The following GABRR1 variants were observed in gnomAD, a reference collection of about 807,000 sequenced individuals.
GABRR1 encodes the protein gamma-aminobutyric acid type A receptor subunit rho1, also known as gamma-aminobutyric acid receptor subunit rho-1.
A neutral mutation model predicts 55.5 loss-of-function variants in GABRR1; 59 were observed. The ratio of observed to expected loss-of-function variants is 1.06; its 90% CI spans 0.86 to 1.32. The LOEUF (loss-of-function observed/expected upper bound fraction) is 1.32, where lower values mean the gene tolerates loss of function less well. Among genes scored for constraint, GABRR1 ranks in the 40% most tolerant of loss-of-function variants. The pLI is 0.00. For synonymous variants in GABRR1, 213 were observed against 226.0 expected (o/e 0.94, Z 0.51); for missense variants, 602 against 619.1 (o/e 0.97, Z 0.29).
chr6:89,193,722 C>A (rs994430751), intron 5 of GABRR1, among the ~76,000 whole-genome samples: 1 of 152,128 alleles, frequency 6.6e-6, no homozygotes. Flanking sequence ...GTTCCAAAAT[C>A]GTGGCATAAA....
intron 1 of GABRR1, among the ~76,000 whole-genome samples, chr6:89,223,539 A>G (rs1304250043): frequency 6.6e-6 from 1 of 152,090 alleles, no homozygotes; most frequent in Non-Finnish European, 1.5e-5. Flanking sequence ...TCATTTAATG[A>G]CTTCTTTTCC....
chr6:89,195,420 G>A (rs529437928), intron 5 of GABRR1, among the ~76,000 whole-genome samples: 76 of 151,402 alleles, frequency 5.0e-4, no homozygotes, highest in Admixed American at 1.5e-3. Flanking sequence ...CCAAGATCAC[G>A]CCACTGCACT....
upstream of GABRR1, among the ~76,000 whole-genome samples, chr6:89,218,766 T>A (rs1271773656): frequency 6.6e-6 from 1 of 152,268 alleles, no homozygotes; most frequent in East Asian, 1.9e-4. Context: ...AACCAATGCC[T>A]ATAATGTCCT....
chr6:89,207,090 T>G (rs887324498), intron 1 of GABRR1, among the ~76,000 whole-genome samples: 5 of 152,054 alleles, frequency 3.3e-5, no homozygotes, highest in African/African-American at 1.2e-4. Context: ...TCAAGAGACA[T>G]GGTAAAGACA....
intron 7 of GABRR1, among the ~76,000 whole-genome samples, chr6:89,183,501 T>G (rs201075686): frequency 1.2e-5 from 1 of 82,076 alleles, no homozygotes; most frequent in African/African-American, 4.1e-5. Context: ...TGCGCAAGTT[T>G]TACATAGAAA....
At chr6:89,190,629 G>C (rs1284750253) in intron 5 of GABRR1, among the ~76,000 whole-genome samples, 4 of 152,126 alleles carry the variant, frequency 2.6e-5, no homozygotes, top group Non-Finnish European at 5.9e-5. Context: ...CAGTTCTTTT[G>C]TTCTTTTATT....
At position 89,182,019 on chromosome 6, in the gene GABRR1, G is replaced by C; in HGVS notation, c.835C>G (p.Arg279Gly). 1 of 1,614,116 alleles carries C rather than the reference G, an allele frequency of 6.2e-7. No homozygotes were observed. The highest frequency in any genetic ancestry group is 8.5e-7 in the Non-Finnish European group (1 of 1,180,016). ...NRLYINFTLRRHIFFFLLQTY... is the reference protein window; with the variant it reads ...NRLYINFTLRGHIFFFLLQTY... ...TGGAGCAAGAAGAAGAAGATGTGGC[G>C]ACGCAACGTGAAATTAATGTAGAGA... Residue 279 changes from arginine (R) to glycine (G), a missense_variant, in exon 8 of 10, where the codon CGC (arginine) becomes GGC (glycine). This residue lies in a region of GABRR1 where 435 missense variants were observed against 424.2 expected (regional missense o/e 1.03). Transcript: ENST00000454853.
chr6:89,179,049 G>A lies in GABRR1; in HGVS notation c.1161C>T (p.Ser387=), dbSNP rs1287330111. The part of the protein sequence containing the change: ...QKLREKLPCT[S]GLPPPRTAML... ...TCGCAGTGCGGGGCGGAGGTAATCC[G>A]CTGGTGCAGGGAAGCTGCAAACAGT... The change falls in exon 10 of 10, where the codon AGC becomes AGT. Residue 387 remains serine, a synonymous_variant. Transcript: ENST00000454853. 5.0e-6 allele frequency: 8 copies of A among 1,613,658 alleles called. No homozygotes were observed. The highest frequency in any genetic ancestry group is 1.1e-5 in the South Asian group (1 of 91,070).
At chr6:89,224,046 C>T (rs1773157451) in intron 1 of GABRR1, among the ~76,000 whole-genome samples, 1 of 151,500 alleles carries the variant, frequency 6.6e-6, no homozygotes, top group Non-Finnish European at 1.5e-5. Flanking sequence ...CAGGCATGAG[C>T]CACCACGCCT....
At chr6:89,179,149 T>G in intron 9 of GABRR1, 86 bp from the exon 10 acceptor site, 2 of 1,362,396 alleles carry the variant, frequency 1.5e-6, no homozygotes, top group East Asian at 2.5e-5. Context: ...TGGAGGGTGT[T>G]GCCTGGTTTC....
intron 3 of GABRR1, 98 bp from the exon 4 acceptor site, chr6:89,199,527 T>A (rs1417136202): frequency 8.8e-7 from 1 of 1,133,564 alleles, no homozygotes; most frequent in East Asian, 2.5e-5. Flanking sequence ...AACCTCAATG[T>A]CATATCAGAT....
chr6:89,223,095 G>A (rs1052530265), intron 1 of GABRR1, among the ~76,000 whole-genome samples: 5 of 151,854 alleles, frequency 3.3e-5, no homozygotes, highest in African/African-American at 1.2e-4. Flanking sequence ...GTGGTATTTG[G>A]TTACATGAGT....
chr6:89,225,227 G>A (rs923443738), intron 1 of GABRR1, among the ~76,000 whole-genome samples: 2 of 151,172 alleles, frequency 1.3e-5, no homozygotes, highest in Admixed American at 1.3e-4. Context: ...TTGTTGAATA[G>A]GGTGTACTTT....
intron 1 of GABRR1, among the ~76,000 whole-genome samples, chr6:89,206,559 G>A (rs946504946): frequency 6.6e-6 from 1 of 151,600 alleles, no homozygotes; most frequent in Admixed American, 6.6e-5. Context: ...CTATTGTGGT[G>A]ATAGGCCTTC....
intron 5 of GABRR1, among the ~76,000 whole-genome samples, chr6:89,192,201 G>A (rs1295429612): frequency 1.3e-5 from 2 of 152,088 alleles, no homozygotes; most frequent in African/African-American, 2.4e-5. Context: ...TTACCTGGTG[G>A]AAGCTGATAC....
intron 7 of GABRR1, among the ~76,000 whole-genome samples, chr6:89,185,030 G>A (rs890418452): frequency 4.0e-5 from 6 of 151,772 alleles, no homozygotes; most frequent in Non-Finnish European, 5.9e-5. Flanking sequence ...GACTACAGGC[G>A]TGTGCCACCA....
At chr6:89,188,907 C>T (rs1389779902) in intron 6 of GABRR1, among the ~76,000 whole-genome samples, 4 of 152,108 alleles carry the variant, frequency 2.6e-5, no homozygotes, top group East Asian at 1.9e-4. Flanking sequence ...AACCACCACA[C>T]GAACTCACAG....
intron 1 of GABRR1, among the ~76,000 whole-genome samples, chr6:89,215,165 G>A (rs934482095): frequency 3.9e-5 from 6 of 152,168 alleles, no homozygotes; most frequent in Admixed American, 2.0e-4. Context: ...CAGAATTACC[G>A]TATGATCCAG....
At chr6:89,229,302 A>C (rs925411596) in intron 1 of GABRR1, among the ~76,000 whole-genome samples, 5 of 151,294 alleles carry the variant, frequency 3.3e-5, no homozygotes, top group Non-Finnish European at 7.4e-5. Flanking sequence ...TGATCCTGTC[A>C]TTATGATGTT....
Sources: gnomAD v4.1 joint callset for allele counts (sites outside exome capture counted in the v4.1 genomes callset) on GRCh38, gnomAD v4.1.1 for gene constraint, gnomAD v4.1.1 regional missense constraint, MANE v1.5 for transcripts, NCBI Gene and HGNC (gene_info 2026-07-23, HGNC 2026-07-21) for gene names.